The following KHDRBS3 variants were observed in gnomAD, a reference collection of about 807,000 sequenced individuals.
KHDRBS3 encodes the protein KH domain-containing, RNA-binding, signal transduction-associated protein 3.
In KHDRBS3, 23 loss-of-function variants were observed where a neutral mutation model predicts 45.6. The ratio of observed to expected loss-of-function variants is 0.50; its 90% CI spans 0.36 to 0.72. The LOEUF (loss-of-function observed/expected upper bound fraction) is 0.72. Ranked by LOEUF, KHDRBS3 falls within the 30% of genes least tolerant of loss-of-function variation. The pLI is 0.00. For synonymous variants in KHDRBS3, 162 were observed against 156.5 expected, an observed-to-expected ratio of 1.04 and a Z score of -0.26; for missense variants, 352 against 424.8, an observed-to-expected ratio of 0.83 and a Z score of 1.51.
At chr8:135,620,384 G>A (rs1352613957) in intron 7 of KHDRBS3, among the ~76,000 whole-genome samples, 3 of 152,042 alleles carry the variant, frequency 2.0e-5, no homozygotes, top group African/African-American at 7.3e-5. Flanking sequence ...TTACAGGTGT[G>A]AGCTACCACA....
rs117081205 is a variant in KHDRBS3, at chr8:135,492,256, G to A, written c.89-28981G>A. Among the ~76,000 whole-genome samples, 137 of 152,124 alleles carry A rather than the reference G, an allele frequency of 9.0e-4. 1 individual carries two copies. In the East Asian group the frequency reaches 0.022, roughly 24 times the overall value. On this transcript the variant is annotated intron_variant, in intron 1 of 8. Coordinates refer to ENST00000355849, the MANE Select transcript of KHDRBS3 (RefSeq NM_006558.3). ...ATTAGCACTAGATACGTGGATTGTA[G>A]TACTTAGCTTTGCTTTGTATTTTTT... is the stretch of plus-strand genomic sequence containing the variant.
chr8:135,581,805 G>A (rs189497824), intron 5 of KHDRBS3, 73 bp from the exon 6 acceptor site: 5 of 1,142,500 alleles, frequency 4.4e-6, no homozygotes, highest in Non-Finnish European at 5.9e-6. Context: ...TGTTTCTGAG[G>A]TATAAATATA....
At chr8:135,516,895 G>A (rs1395199594) in intron 1 of KHDRBS3, among the ~76,000 whole-genome samples, 2 of 152,082 alleles carry the variant, frequency 1.3e-5, no homozygotes, top group Non-Finnish European at 2.9e-5. Flanking sequence ...TGAGAGAAAT[G>A]AAGCTACTTT....
intron 1 of KHDRBS3, among the ~76,000 whole-genome samples, chr8:135,502,601 T>C (rs1823787280): frequency 6.6e-6 from 1 of 152,242 alleles, no homozygotes; most frequent in Admixed American, 6.5e-5. Context: ...AAATCTTATG[T>C]TTCTTGAGAA....
intron 1 of KHDRBS3, among the ~76,000 whole-genome samples, chr8:135,470,658 T>C (rs1821973099): frequency 6.6e-6 from 1 of 151,432 alleles, no homozygotes; most frequent in Non-Finnish European, 1.5e-5. Flanking sequence ...TGATCTCGGC[T>C]CACTGCAACC....
chr8:135,595,873 A>G (rs1048550570), intron 6 of KHDRBS3, among the ~76,000 whole-genome samples: 3 of 152,230 alleles, frequency 2.0e-5, no homozygotes, highest in Admixed American at 6.5e-5. Flanking sequence ...CTCCATTTCT[A>G]TTGGAAGACA....
rs376119821 is a variant in KHDRBS3, at chr8:135,640,578, G to A, written c.891-4481G>A. On this transcript the variant is annotated intron_variant, in intron 7 of 8. Coordinates refer to ENST00000355849, the MANE Select transcript of KHDRBS3 (RefSeq NM_006558.3). ...TGTTAGGGGCTATTTCTTGACTCAA[G>A]TTGATGGAATTGATGTAAACCTCTG... Among the ~76,000 whole-genome samples the A allele has an allele frequency of 1.5e-4, 23 of 152,302 alleles. No individual in the cohort carries two copies. The South Asian group carries it at 2.9e-3, about 19-fold the overall frequency.
At chr8:135,631,175 G>A (rs564375167) in intron 7 of KHDRBS3, among the ~76,000 whole-genome samples, 2 of 151,202 alleles carry the variant, frequency 1.3e-5, no homozygotes, top group African/African-American at 2.4e-5. Context: ...TGCTTGAACC[G>A]GGGAGGTGGA....
chr8:135,521,596 C>G (rs1437264634), intron 2 of KHDRBS3, among the ~76,000 whole-genome samples: 1 of 152,262 alleles, frequency 6.6e-6, no homozygotes, highest in African/African-American at 2.4e-5. Flanking sequence ...CTTTGGGAAG[C>G]CTCTTCAACT....
intron 5 of KHDRBS3, among the ~76,000 whole-genome samples, chr8:135,563,774 C>T (rs1025216988): frequency 2.0e-5 from 3 of 152,132 alleles, no homozygotes; most frequent in African/African-American, 7.2e-5. Flanking sequence ...AGTTGTGAGC[C>T]GTCCAGGATG....
At chr8:135,497,752 G>A (rs1302912863) in intron 1 of KHDRBS3, among the ~76,000 whole-genome samples, 5 of 152,020 alleles carry the variant, frequency 3.3e-5, no homozygotes, top group Non-Finnish European at 7.4e-5. Context: ...ATTTTTTTCA[G>A]TAACCATGGT....
intron 5 of KHDRBS3, among the ~76,000 whole-genome samples, chr8:135,573,506 A>C (rs1205535033): frequency 1.3e-5 from 2 of 152,174 alleles, no homozygotes; most frequent in Admixed American, 1.3e-4. Context: ...TGCACTTTAC[A>C]TACCCAGGGT....
At chr8:135,487,212 A>G (rs1274070481) in intron 1 of KHDRBS3, among the ~76,000 whole-genome samples, 3 of 152,200 alleles carry the variant, frequency 2.0e-5, no homozygotes, top group Non-Finnish European at 2.9e-5. Flanking sequence ...AGATATTTTA[A>G]CAGCTCAATA....
At chr8:135,612,297 A>C (rs973065606) in intron 7 of KHDRBS3, among the ~76,000 whole-genome samples, 1 of 151,930 alleles carries the variant, frequency 6.6e-6, no homozygotes, top group Non-Finnish European at 1.5e-5. Flanking sequence ...AAAATCTCTT[A>C]GGAATTCTGC....
intron 2 of KHDRBS3, among the ~76,000 whole-genome samples, chr8:135,521,692 A>G (rs1432418299): frequency 6.6e-6 from 1 of 152,206 alleles, no homozygotes; most frequent in Non-Finnish European, 1.5e-5. Context: ...TGCTTGGTAC[A>G]TAAAGGTTCA....
At chr8:135,603,826 C>T (rs4909492) in intron 6 of KHDRBS3, among the ~76,000 whole-genome samples, 131,851 of 152,168 alleles carry the variant, frequency 0.87, 57,223 homozygotes, top group East Asian at 1. Flanking sequence ...GGAAGACTTA[C>T]GGTCTATCCT....
At chr8:135,585,184 G>A (rs1438556782) in intron 6 of KHDRBS3, among the ~76,000 whole-genome samples, 6 of 129,858 alleles carry the variant, frequency 4.6e-5, no homozygotes, top group East Asian at 2.4e-4. Context: ...AGCTGTGATC[G>A]CCCCACTGCA....
At chr8:135,519,581 C>G (rs749816322) in intron 1 of KHDRBS3, among the ~76,000 whole-genome samples, 1 of 152,168 alleles carries the variant, frequency 6.6e-6, no homozygotes, top group African/African-American at 2.4e-5. Flanking sequence ...CACATGAGAT[C>G]CTAAGGTTTT....
intron 6 of KHDRBS3, among the ~76,000 whole-genome samples, chr8:135,594,851 G>A (rs1456991609): frequency 6.6e-6 from 1 of 152,164 alleles, no homozygotes; most frequent in South Asian, 2.1e-4. Context: ...TCTGTTATGA[G>A]CACAGGCCTC....
Sources: gnomAD v4.1 joint callset for allele counts (sites outside exome capture counted in the v4.1 genomes callset) on GRCh38, gnomAD v4.1.1 for gene constraint, MANE v1.5 for transcripts, NCBI Gene and HGNC (gene_info 2026-07-23, HGNC 2026-07-21) for gene names.